The following DNAH8 variants were observed in gnomAD, a reference collection of about 807,000 sequenced individuals.
DNAH8 encodes axonemal beta dynein heavy chain 8.
DNAH8 carries 382 observed loss-of-function variants against 562.1 expected under a neutral mutation model. The ratio of observed to expected loss-of-function variants is 0.68; its 90% confidence interval spans 0.63 to 0.74. DNAH8 has a LOEUF of 0.74. Ranked by LOEUF, DNAH8 falls within the 30% of genes least tolerant of loss-of-function variation. DNAH8 has a pLI of 0.00. For synonymous variants in DNAH8, 1,881 were observed against 1,919.4 expected, an observed-to-expected ratio of 0.98 and a Z score of 0.52; for missense variants, 5,203 against 5,620.4, an observed-to-expected ratio of 0.93 and a Z score of 2.37.
chr6:38,746,742 G>C (rs982686803), intron 8 of DNAH8, among the ~76,000 whole-genome samples: 3 of 151,962 alleles, frequency 2.0e-5, no homozygotes, highest in African/African-American at 4.8e-5. Context: ...CAGCCTGGCC[G>C]GTATGGCAAA....
chr6:38,759,439 T>A (rs927202103), intron 10 of DNAH8, among the ~76,000 whole-genome samples: 9 of 152,228 alleles, frequency 5.9e-5, no homozygotes, highest in African/African-American at 1.9e-4. Context: ...TAAGTTTTTT[T>A]AAAAAGCAAA....
intron 53 of DNAH8, 24 bp from the exon 54 acceptor site, chr6:38,882,886 G>T: frequency 1.3e-6 from 2 of 1,486,616 alleles, no homozygotes; most frequent in Non-Finnish European, 9.0e-7. Context: ...GTTCTATTAA[G>T]ATGAAATTTT....
chr6:38,916,755 G>A (rs1781338400), intron 68 of DNAH8, among the ~76,000 whole-genome samples: 1 of 152,078 alleles, frequency 6.6e-6, no homozygotes, highest in African/African-American at 2.4e-5. Context: ...CCAGCCAATG[G>A]ATAGAAATTT....
At position 38,938,228 on chromosome 6, in the gene DNAH8, T is replaced by C. The variant is rs759054910; in HGVS notation, c.11816+2T>C. 6.2e-7 allele frequency: 1 copy of C among 1,605,576 alleles called. No homozygotes were observed. Among genetic ancestry groups the C allele is most frequent in the Non-Finnish European group, 8.5e-7 (1 of 1,174,946 alleles). Reference sequence around the variant, plus strand: ...GTTATTTGACCAGTCCATGGCCAGGTGAGTCCTCACTACCTTCATCCAAAA... The same window carrying C: ...GTTATTTGACCAGTCCATGGCCAGGCGAGTCCTCACTACCTTCATCCAAAA... On this transcript the variant is annotated splice_donor_variant, in intron 78 of 92. Transcript: ENST00000327475. LOFTEE classifies it high-confidence loss of function.
chr6:38,977,203 C>CT (rs1175349001), intron 85 of DNAH8, among the ~76,000 whole-genome samples: 192 of 152,276 alleles, frequency 1.3e-3, no homozygotes, highest in African/African-American at 4.5e-3. Context: ...GAGGTGGGAG[C>CT]AGGCTTTCCC....
chr6:38,733,263 T>G (rs76412085), intron 4 of DNAH8, among the ~76,000 whole-genome samples: 38,395 of 152,022 alleles, frequency 0.25, 5,790 homozygotes, highest in Non-Finnish European at 0.35. Context: ...TTTTTGCAAA[T>G]TAATATTGTG....
chr6:38,839,366 G>GTTTGT lies in DNAH8; in HGVS notation c.4466+1333_4466+1337dup, dbSNP rs1562956155. On this transcript the variant is annotated intron_variant, in intron 33 of 92. Coordinates refer to ENST00000327475, the MANE Select transcript of DNAH8 (RefSeq NM_001206927.2). ...TGAGAAGCTTTGAAGTTTTTTTTTT[G>GTTTGT]TTTGTTTTGTTTTTTTTTTGAGACA... 3.3e-4 allele frequency among the ~76,000 whole-genome samples: 44 copies of GTTTGT among 131,702 alleles called. No individual in the cohort carries two copies. In the East Asian group the frequency reaches 7.0e-3, roughly 21 times the overall value. The allele number at this position is 131,702 out of a possible 152,430, so 86.4% of individuals were successfully genotyped here. A position where few individuals can be genotyped will look rare whatever the true frequency, so the allele number is the denominator to read the frequency against.
intron 37 of DNAH8, 91 bp downstream of exon 37, chr6:38,848,892 AG>A: frequency 7.8e-7 from 1 of 1,289,828 alleles, no homozygotes; most frequent in Non-Finnish European, 1.1e-6. Context: ...CATATGGTCA[AG>A]GCTTGACTAT....
chr6:39,024,107 C>T (rs1313251036), intron 91 of DNAH8, among the ~76,000 whole-genome samples: 1 of 152,200 alleles, frequency 6.6e-6, no homozygotes, highest in African/African-American at 2.4e-5. Flanking sequence ...AGCGAGAATC[C>T]AGCTCTATCC....
intron 42 of DNAH8, among the ~76,000 whole-genome samples, chr6:38,858,380 G>T (rs999306786): frequency 1.3e-5 from 2 of 152,118 alleles, no homozygotes; most frequent in South Asian, 4.1e-4. Context: ...ATTCATGCAG[G>T]TTGGGTCCTG....
At chr6:38,797,194 C>T (rs530048931) in intron 21 of DNAH8, among the ~76,000 whole-genome samples, 2 of 152,256 alleles carry the variant, frequency 1.3e-5, no homozygotes, top group East Asian at 1.9e-4. Context: ...AGGAGTTTGA[C>T]TCCAGCCTAG....
intron 91 of DNAH8, among the ~76,000 whole-genome samples, chr6:39,021,588 G>A (rs1383705002): frequency 6.6e-6 from 1 of 152,128 alleles, no homozygotes; most frequent in African/African-American, 2.4e-5. Flanking sequence ...CCCTATCTTT[G>A]TTTAATGATT....
intron 19 of DNAH8, among the ~76,000 whole-genome samples, 167 bp downstream of exon 19, chr6:38,790,050 T>A (rs1206384262): frequency 1.3e-5 from 2 of 152,158 alleles, no homozygotes; most frequent in Non-Finnish European, 2.9e-5. Flanking sequence ...TTGTCTAAGT[T>A]TCGTTGCCTT....
chr6:38,858,979 G>A (rs543151252), intron 42 of DNAH8, among the ~76,000 whole-genome samples: 89 of 151,908 alleles, frequency 5.9e-4, no homozygotes, highest in African/African-American at 2.0e-3. Context: ...TACATCCAGA[G>A]GGATTAAAAA....
chr6:38,789,988 A>C (rs964793431), intron 19 of DNAH8, 105 bp downstream of exon 19: 1 of 805,246 alleles, frequency 1.2e-6, no homozygotes, highest in African/African-American at 1.8e-5. Flanking sequence ...TAGACCCTCC[A>C]TCTTTCTAGT....
chr6:38,756,644 A>G (rs1048961885), intron 10 of DNAH8, among the ~76,000 whole-genome samples: 1 of 151,210 alleles, frequency 6.6e-6, no homozygotes, highest in Non-Finnish European at 1.5e-5. Context: ...AACATTAGGG[A>G]TATCTCCTAA....
rs1015092506 is a variant in DNAH8 at position 38,909,749 on chromosome 6, G to C, written c.9740+5G>C. ...CTGTGAAAGTTATTTCCAAAGGTAA[G>C]TGATATTACATAAGCACCATCGCTA... On this transcript the variant is annotated splice_donor_5th_base_variant and intron_variant, in intron 65 of 92. Transcript: ENST00000327475. 1.2e-6 allele frequency: 2 copies of C among 1,610,616 alleles called. No individual in the cohort carries two copies. Among genetic ancestry groups the C allele is most frequent in the African/African-American group, 2.7e-5 (2 of 74,828 alleles).
chr6:38,983,933 G>T (rs1461095015), intron 86 of DNAH8, among the ~76,000 whole-genome samples: 2 of 152,166 alleles, frequency 1.3e-5, no homozygotes, highest in African/African-American at 4.8e-5. Context: ...TATATCCCCA[G>T]AGTGAAAATT....
In DNAH8 at chr6:38,826,170, G is replaced by T. The variant is rs75954485; in HGVS notation, c.3862G>T (p.Ala1288Ser). The T allele has an allele frequency of 1.1e-5, 18 of 1,603,984 alleles. No individual in the cohort carries two copies. The African/African-American group carries it at 2.1e-4, about 19-fold the overall frequency. ...LELHTEPMKL[A>S]LSIEAKAWKM... is the part of the protein sequence containing the mutation. ...GTCTTCATCAGAGCCGATGAAATTG[G>T]CCTTATCCATCGAGGCCAAGGCATG... The change falls in exon 29 of 93, where the codon GCC becomes TCC. Residue 1288 changes from alanine to serine, a missense_variant. Physicochemically the swap from Ala to Ser is moderately conservative, Grantham distance 99 (BLOSUM62 1). This residue lies in a region of DNAH8 where 2,176 missense variants were observed against 2,365.1 expected (regional missense o/e 0.92). Transcript: ENST00000327475.
Sources: gnomAD v4.1 joint callset for allele counts (sites outside exome capture counted in the v4.1 genomes callset) on GRCh38, gnomAD v4.1.1 for gene constraint, gnomAD v4.1.1 regional missense constraint, MANE v1.5 for transcripts, NCBI Gene and HGNC (gene_info 2026-07-23, HGNC 2026-07-21) for gene names.